The following GRIP1 variants were observed in gnomAD, a reference collection of about 807,000 sequenced individuals.
The protein encoded by GRIP1 is glutamate receptor interacting protein 1.
GRIP1 carries 45 observed loss-of-function variants against 129.9 expected under a neutral mutation model. The observed-to-expected ratio is 0.35, with a 90% CI of 0.27 to 0.44. GRIP1 has a LOEUF of 0.44. Among genes scored for constraint, GRIP1 ranks in the 20% least tolerant of loss-of-function variants. GRIP1 has a pLI of 1.00. For synonymous variants in GRIP1, 530 were observed against 520.8 expected, an observed-to-expected ratio of 1.02 and a Z score of -0.24; for missense variants, 1,196 against 1,396.8, an observed-to-expected ratio of 0.86 and a Z score of 2.29.
At chr12:66,639,146 A>G (rs1449558582) in intron 1 of GRIP1, among the ~76,000 whole-genome samples, 3 of 152,182 alleles carry the variant, frequency 2.0e-5, no homozygotes, top group Non-Finnish European at 4.4e-5. Context: ...TATATGCCTA[A>G]TAAATGTTAG....
chr12:66,626,068 T>C (rs1305813960), intron 1 of GRIP1, among the ~76,000 whole-genome samples: 2 of 152,120 alleles, frequency 1.3e-5, no homozygotes, highest in East Asian at 3.8e-4. Flanking sequence ...AAACAGTTTA[T>C]TTATCTTTCA....
At chr12:66,545,293 CT>C (rs981506491) in intron 2 of GRIP1, among the ~76,000 whole-genome samples, 1 of 152,058 alleles carries the variant, frequency 6.6e-6, no homozygotes, top group Non-Finnish European at 1.5e-5. Context: ...GTAATTCAAT[CT>C]TTTTAATTAC....
At chr12:66,796,023 A>C (rs2038685701) in intron 1 of GRIP1, among the ~76,000 whole-genome samples, 1 of 152,172 alleles carries the variant, frequency 6.6e-6, no homozygotes, top group Non-Finnish European at 1.5e-5. Flanking sequence ...GAAGATTATG[A>C]CACACTTACT....
upstream of GRIP1, among the ~76,000 whole-genome samples, chr12:66,805,625 G>T (rs1347887313): frequency 6.6e-6 from 1 of 152,128 alleles, no homozygotes; most frequent in Non-Finnish European, 1.5e-5. Context: ...ATCCCAGAGG[G>T]AACTGACTGC....
At chr12:66,472,563 TGC>T (rs2059468390) in intron 7 of GRIP1, among the ~76,000 whole-genome samples, 1 of 152,324 alleles carries the variant, frequency 6.6e-6, no homozygotes, top group Admixed American at 6.5e-5. Flanking sequence ...AGCTCCAGTC[TGC>T]AGCTCGCAGC....
intron 13 of GRIP1, among the ~76,000 whole-genome samples, chr12:66,433,292 C>CA (rs11430537): frequency 0.92 from 139,711 of 152,080 alleles, 65,025 homozygotes; most frequent in Non-Finnish European, 1. Context: ...GGTTATCAAT[C>CA]AAAAAGACTA....
intron 1 of GRIP1, among the ~76,000 whole-genome samples, chr12:66,773,245 T>C (rs1364403019): frequency 6.6e-6 from 1 of 152,182 alleles, no homozygotes; most frequent in Non-Finnish European, 1.5e-5. Context: ...TCGATGGGCA[T>C]TTGGGTTGGT....
chr12:66,965,549 T>G (rs900769537), intron 1 of GRIP1, among the ~76,000 whole-genome samples: 7 of 128,252 alleles, frequency 5.5e-5, no homozygotes, highest in African/African-American at 1.2e-4. Context: ...AAAAGAAACA[T>G]TGTGTGTGTG....
chr12:66,373,733 T>A (rs111969638), intron 22 of GRIP1, among the ~76,000 whole-genome samples: 5 of 152,244 alleles, frequency 3.3e-5, no homozygotes, highest in Non-Finnish European at 5.9e-5. Flanking sequence ...AAGAAAATTA[T>A]AACTGTAAAA....
chr12:66,810,637 G>A (rs1374597424), intron 1 of GRIP1, among the ~76,000 whole-genome samples: 1 of 152,056 alleles, frequency 6.6e-6, no homozygotes, highest in Non-Finnish European at 1.5e-5. Context: ...TTGTAACCAC[G>A]TCTCCCTCAT....
intron 1 of GRIP1, among the ~76,000 whole-genome samples, chr12:66,962,045 C>T (rs987874357): frequency 3.3e-5 from 5 of 152,114 alleles, no homozygotes; most frequent in African/African-American, 4.8e-5. Context: ...AGAGCCTACC[C>T]TTGAATTCAG....
chr12:66,658,691 T>C (rs1158642841), intron 1 of GRIP1, among the ~76,000 whole-genome samples: 1 of 152,108 alleles, frequency 6.6e-6, no homozygotes, highest in Non-Finnish European at 1.5e-5. Flanking sequence ...GGAGGACTGT[T>C]TCAGCCCAGG....
At chr12:66,665,503 T>C (rs1368847460) in intron 1 of GRIP1, among the ~76,000 whole-genome samples, 1 of 152,178 alleles carries the variant, frequency 6.6e-6, no homozygotes, top group Non-Finnish European at 1.5e-5. Flanking sequence ...TCTACCCTCA[T>C]AGATAGATTT....
chr12:66,602,577 T>C (rs2064322208), intron 1 of GRIP1, among the ~76,000 whole-genome samples: 1 of 152,084 alleles, frequency 6.6e-6, no homozygotes. Flanking sequence ...CCTTCCCTAA[T>C]CTGATGGAGT....
At chr12:66,483,102 A>G (rs1195953314) in intron 7 of GRIP1, among the ~76,000 whole-genome samples, 2 of 152,130 alleles carry the variant, frequency 1.3e-5, no homozygotes, top group African/African-American at 4.8e-5. Context: ...GCAAGGCTTG[A>G]TTAGAACCTC....
intron 1 of GRIP1, among the ~76,000 whole-genome samples, chr12:66,684,159 T>C (rs1332649133): frequency 1.3e-5 from 2 of 152,336 alleles, no homozygotes; most frequent in South Asian, 2.1e-4. Flanking sequence ...ACTTTGTATT[T>C]GGTAGGAAAT....
At chr12:67,017,268 G>A (rs1050647992) in intron 1 of GRIP1, among the ~76,000 whole-genome samples, 2 of 151,726 alleles carry the variant, frequency 1.3e-5, no homozygotes, top group East Asian at 1.9e-4. Flanking sequence ...GTCCCCATTT[G>A]CCAGCAACCA....
chr12:66,745,589 A>G, intron 1 of GRIP1, among the ~76,000 whole-genome samples: 1 of 152,208 alleles, frequency 6.6e-6, no homozygotes, highest in East Asian at 1.9e-4. Flanking sequence ...TAGGAGAATT[A>G]TGCAAAGCAC....
At chr12:66,964,655 G>A (rs1002118835) in intron 1 of GRIP1, among the ~76,000 whole-genome samples, 5 of 152,088 alleles carry the variant, frequency 3.3e-5, no homozygotes, top group African/African-American at 1.2e-4. Context: ...GGCTCCCAAA[G>A]CAACTAAACC....
Sources: gnomAD v4.1 joint callset for allele counts (sites outside exome capture counted in the v4.1 genomes callset) on GRCh38, gnomAD v4.1.1 for gene constraint, MANE v1.5 for transcripts, NCBI Gene and HGNC (gene_info 2026-07-23, HGNC 2026-07-21) for gene names.